POC1A: variants seen among roughly 807,000 people sequenced by gnomAD.
The protein encoded by POC1A is POC1 centriolar protein A.
In POC1A, 34 loss-of-function variants were observed where a neutral mutation model predicts 47.8. The ratio of observed to expected loss-of-function variants is 0.71; its 90% CI spans 0.54 to 0.95. The LOEUF (loss-of-function observed/expected upper bound fraction) is 0.95, where lower values mean the gene tolerates loss of function less well. Ranked by LOEUF, POC1A falls within the 40% of genes least tolerant of loss-of-function variation. The pLI is 0.00. For missense variants in POC1A, 466 were observed against 528.3 expected (o/e 0.88, Z 1.16); for synonymous variants, 177 against 207.6 (o/e 0.85, Z 1.27).
chr3:52,151,055 C>T lies in POC1A; in HGVS notation c.64G>A (p.Val22Ile). 6.2e-7 allele frequency: 1 copy of T among 1,614,014 alleles called. No homozygotes were observed. Among genetic ancestry groups the T allele is most frequent in the Non-Finnish European group, 8.5e-7 (1 of 1,179,936 alleles). The change falls in exon 2 of 11, where the codon GTT (valine) becomes ATT (isoleucine). Residue 22 changes from valine (V) to isoleucine (I), a missense_variant. Transcript: ENST00000296484. The part of the protein sequence containing the change: ...ERHFKGHRDA[V>I]TCVDFSINTK... The stretch of plus-strand genomic sequence containing the variant: ...TTGATACTGAAGTCCACACAGGTAA[C>T]TGCATCTCGGTGGCCCTTAAAATGC...
intron 9 of POC1A, among the ~76,000 whole-genome samples, chr3:52,105,373 A>T (rs905039663): frequency 1.3e-5 from 2 of 152,266 alleles, no homozygotes; most frequent in African/African-American, 2.4e-5. Context: ...ACTCACAGAC[A>T]CAGATGTTTC....
At chr3:52,105,290 C>A (rs960324094) in intron 9 of POC1A, among the ~76,000 whole-genome samples, 2 of 152,236 alleles carry the variant, frequency 1.3e-5, no homozygotes, top group African/African-American at 4.8e-5. Flanking sequence ...AACACACCCC[C>A]ATGATTAAAT....
intron 5 of POC1A, among the ~76,000 whole-genome samples, chr3:52,146,218 T>C (rs1476150898): frequency 6.6e-6 from 1 of 152,240 alleles, no homozygotes; most frequent in Non-Finnish European, 1.5e-5. Flanking sequence ...CAATACAAGT[T>C]GAGAGAGCTA....
chr3:52,096,977 T>C (rs930607313), intron 9 of POC1A, among the ~76,000 whole-genome samples: 4 of 152,184 alleles, frequency 2.6e-5, no homozygotes, highest in South Asian at 4.1e-4. Context: ...GGAGGGCAGG[T>C]AGGCAGGCCA....
rs955114134 is a variant in POC1A at position 52,081,422 on chromosome 3, C to T, written c.1126-5437G>A. 5.3e-5 allele frequency among the ~76,000 whole-genome samples: 8 copies of T among 152,208 alleles called. No individual in the cohort carries two copies. The East Asian group carries it at 7.7e-4, about 15-fold the overall frequency. ...GGCCCAGGATGATAATACGCAGACTCGGCTGAGCCCACAGGGTGCACCACA... is the reference window on the plus strand; with the variant it reads ...GGCCCAGGATGATAATACGCAGACTTGGCTGAGCCCACAGGGTGCACCACA... On this transcript the variant is annotated intron_variant, in intron 10 of 10. Transcript: ENST00000296484.
Position 52,138,265 on chromosome 3 carries a change from C to G in POC1A, c.717G>C (p.Pro239=), listed in dbSNP as rs372379559. The change falls in exon 7 of 11, where the codon CCG becomes CCC. Residue 239 remains proline (P), a synonymous_variant. Transcript: ENST00000296484. ...SAAVNGLSFH[P]SGNYLITASS... ...AGGCTGTGATCAGGTAGTTTCCCGA[C>G]GGGTGGAAAGAGAGCCCGTTCACTG... 7 of 1,613,930 alleles carry G rather than the reference C, an allele frequency of 4.3e-6. No individual in the cohort carries two copies. Among genetic ancestry groups the G allele is most frequent in the Middle Eastern group, 1.6e-4 (1 of 6,062 alleles).
At chr3:52,081,214 T>C (rs113351374) in intron 10 of POC1A, among the ~76,000 whole-genome samples, 2,990 of 152,314 alleles carry the variant, frequency 0.02, 84 homozygotes, top group African/African-American at 0.063. Flanking sequence ...AATAAGGTTT[T>C]ATGGACACGC....
intron 4 of POC1A, among the ~76,000 whole-genome samples, chr3:52,148,638 A>G (rs553963368): frequency 6.6e-6 from 1 of 152,328 alleles, no homozygotes; most frequent in East Asian, 1.9e-4. Context: ...TAAGCCCCCC[A>G]TCTCCGAAGC....
intron 9 of POC1A, among the ~76,000 whole-genome samples, chr3:52,098,626 G>A (rs1002178383): frequency 9.2e-5 from 14 of 152,130 alleles, no homozygotes; most frequent in Non-Finnish European, 1.5e-4. Flanking sequence ...GTCTCCATTT[G>A]ACAATAAAGA....
rs1698393444 is a variant in POC1A at position 52,147,096 on chromosome 3, C to CTGAA, written c.456-5_456-2dup. ...GATGAGCCGCCCGTCGGGGGAGAAC[C>CTGAA]TGAACCGGGTGGGGCACAAGTCACA... is the stretch of plus-strand genomic sequence containing the variant. On this transcript the variant is annotated splice_acceptor_variant, in intron 4 of 10. Transcript: ENST00000296484. LOFTEE classifies it high-confidence loss of function. 1.2e-6 allele frequency: 2 copies of CTGAA among 1,612,342 alleles called. No homozygotes were observed. Among genetic ancestry groups the CTGAA allele is most frequent in the African/African-American group, 2.7e-5 (2 of 74,900 alleles).
chr3:52,149,569 C>A (rs942183134), intron 3 of POC1A, among the ~76,000 whole-genome samples, 180 bp from the exon 4 acceptor site: 11 of 152,208 alleles, frequency 7.2e-5, no homozygotes, highest in African/African-American at 2.7e-4. Flanking sequence ...CATCTCTAGG[C>A]CCCACCCACA....
Position 52,079,353 on chromosome 3 carries a change from C to G in POC1A, c.1126-3368G>C, listed in dbSNP as rs940696734. ...TGCTCCGTCCAGCCCGGGAATTATC[C>G]TGCTACCAGCGCCTGTCCTCACCAG... On this transcript the variant is annotated intron_variant, in intron 10 of 10. Coordinates refer to ENST00000296484, the MANE Select transcript of POC1A (RefSeq NM_015426.5). The surrounding 1 kb of genome is among the most constrained non-coding windows in gnomAD (Gnocchi z 4.6). Among the ~76,000 whole-genome samples the G allele has an allele frequency of 1.3e-5, 2 of 152,238 alleles. No homozygotes were observed. Among genetic ancestry groups the G allele is most frequent in the Non-Finnish European group, 2.9e-5 (2 of 68,042 alleles).
chr3:52,132,915 G>A lies in POC1A; in HGVS notation c.813+5254C>T, dbSNP rs993180846. ...CAAAAAATTAGCCGGGCATGGTGGC[G>A]TGCACGTGTAATCCCAACTACTCGG... is the stretch of plus-strand genomic sequence containing the variant. On this transcript the variant is annotated intron_variant, in intron 7 of 10. Coordinates refer to ENST00000296484, the MANE Select transcript of POC1A (RefSeq NM_015426.5). 2.0e-4 allele frequency among the ~76,000 whole-genome samples: 30 copies of A among 151,966 alleles called. 1 individual carries two copies. The highest frequency in any genetic ancestry group is 2.1e-4 in the South Asian group (1 of 4,812).
In POC1A at chr3:52,150,050, A is replaced by T. The variant is rs963639311; in HGVS notation, c.104-63T>A. ...ACAGGCTTCAAGCCTCCACCAAGAC[A>T]TTGGAGAGGCAGGGGGAGCAACTGG... On this transcript the variant is annotated intron_variant, in intron 2 of 10. Transcript: ENST00000296484. 5.6e-6 allele frequency: 8 copies of T among 1,426,866 alleles called. No homozygotes were observed. In the South Asian group the frequency reaches 9.8e-5, roughly 18 times the overall value. 88.4% of individuals were successfully genotyped at this position (1,426,866 alleles called of 1,614,324 possible).
At chr3:52,149,613 T>C (rs1329473708) in intron 3 of POC1A, among the ~76,000 whole-genome samples, 1 of 152,132 alleles carries the variant, frequency 6.6e-6, no homozygotes, top group Non-Finnish European at 1.5e-5. Context: ...TCTTTAGGGA[T>C]AGATTGGGTA....
intron 9 of POC1A, among the ~76,000 whole-genome samples, chr3:52,099,871 C>T (rs542197950): frequency 6.6e-6 from 1 of 152,252 alleles, no homozygotes; most frequent in East Asian, 1.9e-4. Context: ...GTAATGCTCA[C>T]TAAAATAACA....
intron 7 of POC1A, among the ~76,000 whole-genome samples, chr3:52,130,291 G>A (rs558341781): frequency 6.6e-6 from 1 of 152,354 alleles, no homozygotes; most frequent in Admixed American, 6.5e-5. Context: ...GGCCTCTGGG[G>A]TGAGTGCTGT....
chr3:52,143,861 C>A (rs2107182449), intron 6 of POC1A, among the ~76,000 whole-genome samples: 1 of 152,330 alleles, frequency 6.6e-6, no homozygotes, highest in Admixed American at 6.5e-5. Flanking sequence ...CAGGCCACAT[C>A]TTTGGGACCC....
chr3:52,108,541 G>C (rs1703266896), intron 9 of POC1A, among the ~76,000 whole-genome samples: 1 of 152,204 alleles, frequency 6.6e-6, no homozygotes, highest in Admixed American at 6.5e-5. Flanking sequence ...AATGGAGAGT[G>C]TTAGAGCCAC....
Sources: allele counts gnomAD v4.1 joint callset (sites outside exome capture counted in the v4.1 genomes callset), GRCh38; gene constraint gnomAD v4.1.1; non-coding constraint Gnocchi (gnomAD v3.1); transcripts MANE v1.5; gene names NCBI Gene and HGNC (gene_info 2026-07-23, HGNC 2026-07-21).